Variants in SYN3 observed in about 807,000 individuals in gnomAD.
The protein encoded by SYN3 is synapsin-3.
SYN3 carries 35 observed loss-of-function variants against 65.8 expected under a neutral mutation model. That is an observed-to-expected ratio of 0.53 (90% CI 0.41 to 0.70). SYN3 has a LOEUF of 0.70. SYN3 is among the 30% of genes least tolerant of loss of function. SYN3 has a pLI of 0.00. For synonymous variants in SYN3, 270 were observed against 292.9 expected (o/e 0.92, Z 0.80); for missense variants, 680 against 749.0 (o/e 0.91, Z 1.08).
Position 32,690,636 on chromosome 22 carries a change from G to A in SYN3, c.712-93900C>T, listed in dbSNP as rs59554492. 4.2e-3 allele frequency among the ~76,000 whole-genome samples: 647 copies of A among 152,282 alleles called. 4 individuals carry two copies. Among genetic ancestry groups the A allele is most frequent in the African/African-American group, 0.014 (582 of 41,566 alleles). ...GCACTGTCCCCAGCATGTCAGGCAGGCGATATCAGGAGGTGGTAGTGGTGG... is the reference window on the plus strand; with the variant it reads ...GCACTGTCCCCAGCATGTCAGGCAGACGATATCAGGAGGTGGTAGTGGTGG... On this transcript the variant is annotated intron_variant, in intron 6 of 13. Transcript: ENST00000358763.
chr22:32,770,115 A>G (rs891049371), intron 6 of SYN3, among the ~76,000 whole-genome samples: 10 of 152,100 alleles, frequency 6.6e-5, no homozygotes, highest in Admixed American at 1.3e-4. Context: ...GAAACCTTGG[A>G]GTCACCCTTA....
intron 7 of SYN3, among the ~76,000 whole-genome samples, chr22:32,550,478 T>C (rs1039542303): frequency 2.0e-5 from 3 of 151,934 alleles, no homozygotes; most frequent in African/African-American, 7.2e-5. Flanking sequence ...TTGTTAGTAA[T>C]AATAATGGTA....
intron 4 of SYN3, among the ~76,000 whole-genome samples, chr22:32,912,335 G>T (rs541588914): frequency 3.3e-5 from 5 of 152,212 alleles, no homozygotes; most frequent in Non-Finnish European, 7.4e-5. Flanking sequence ...AACAGAATAC[G>T]TGGGGCCTGG....
At chr22:32,705,781 A>C (rs1282187088) in intron 6 of SYN3, among the ~76,000 whole-genome samples, 1 of 152,188 alleles carries the variant, frequency 6.6e-6, no homozygotes, top group Non-Finnish European at 1.5e-5. Context: ...CTCCCTGGTT[A>C]GCTGTATTCC....
At chr22:32,538,789 G>C (rs1309656476) in intron 8 of SYN3, among the ~76,000 whole-genome samples, 1 of 152,088 alleles carries the variant, frequency 6.6e-6, no homozygotes. Flanking sequence ...AAAATAGACT[G>C]CCCGGTACTA....
At chr22:32,947,886 G>A (rs73162010) in intron 3 of SYN3, among the ~76,000 whole-genome samples, 29,154 of 152,108 alleles carry the variant, frequency 0.19, 3,439 homozygotes, top group Non-Finnish European at 0.26. Flanking sequence ...CCAAATCAAG[G>A]TGTTGGCCAG....
chr22:32,744,740 G>C (rs539576022), intron 6 of SYN3, among the ~76,000 whole-genome samples: 2 of 152,134 alleles, frequency 1.3e-5, no homozygotes, highest in Admixed American at 1.3e-4. Context: ...CAGAAACCCC[G>C]CTGAGAACTA....
At chr22:32,926,770 C>T (rs898298292) in intron 4 of SYN3, among the ~76,000 whole-genome samples, 2 of 152,176 alleles carry the variant, frequency 1.3e-5, no homozygotes, top group Non-Finnish European at 2.9e-5. Context: ...TATACATACA[C>T]TGGTGACACA....
At chr22:32,554,915 T>C (rs2058471441) in intron 7 of SYN3, among the ~76,000 whole-genome samples, 1 of 152,222 alleles carries the variant, frequency 6.6e-6, no homozygotes, top group African/African-American at 2.4e-5. Context: ...ATCAACGAAA[T>C]GTGGATAACT....
At chr22:32,757,294 CTTTTTTTTT>C (rs148259174) in intron 6 of SYN3, among the ~76,000 whole-genome samples, 1 of 113,194 alleles carries the variant, frequency 8.8e-6, no homozygotes, top group Non-Finnish European at 1.8e-5. Flanking sequence ...CTCCTCCTAC[CTTTTTTTTT>C]TTTTTTTTTT....
intron 7 of SYN3, among the ~76,000 whole-genome samples, chr22:32,581,448 C>T (rs768609597): frequency 6.6e-6 from 1 of 152,160 alleles, no homozygotes; most frequent in Non-Finnish European, 1.5e-5. Context: ...AAACAAAGAT[C>T]GCACGTCAAG....
At chr22:32,779,086 G>A (rs1220044574) in intron 6 of SYN3, among the ~76,000 whole-genome samples, 1 of 152,210 alleles carries the variant, frequency 6.6e-6, no homozygotes, top group African/African-American at 2.4e-5. Flanking sequence ...AATGTAAAAT[G>A]TAATGTAAAT....
intron 6 of SYN3, among the ~76,000 whole-genome samples, chr22:32,727,312 A>T (rs766527113): frequency 1.2e-4 from 18 of 152,244 alleles, no homozygotes; most frequent in Non-Finnish European, 1.3e-4. Context: ...TGCAAAGGAC[A>T]TGATCTCATT....
intron 4 of SYN3, among the ~76,000 whole-genome samples, chr22:32,870,733 C>A (rs1165191121): frequency 6.6e-6 from 1 of 152,002 alleles, no homozygotes; most frequent in African/African-American, 2.4e-5. Flanking sequence ...CAAAAGACAC[C>A]CTGTATCCTG....
intron 4 of SYN3, among the ~76,000 whole-genome samples, chr22:32,909,682 C>A (rs894421259): frequency 7.3e-6 from 1 of 136,680 alleles, no homozygotes. Flanking sequence ...TGGCTGCTGG[C>A]CTGAATTTCC....
chr22:32,745,090 G>C (rs2044886940), intron 6 of SYN3, among the ~76,000 whole-genome samples: 1 of 152,224 alleles, frequency 6.6e-6, no homozygotes. Flanking sequence ...CTGGGAAAGG[G>C]AATCAGTGGT....
At chr22:32,871,549 C>T (rs561836970) in intron 4 of SYN3, among the ~76,000 whole-genome samples, 389 of 152,278 alleles carry the variant, frequency 2.6e-3, no homozygotes, top group Non-Finnish European at 4.3e-3. Context: ...AGTGCCTTAT[C>T]GTGGCTACAA....
chr22:32,991,536 A>G (rs2052718429), intron 2 of SYN3, among the ~76,000 whole-genome samples: 1 of 152,100 alleles, frequency 6.6e-6, no homozygotes, highest in Non-Finnish European at 1.5e-5. Flanking sequence ...CACAGTTCCC[A>G]GTGCTCCCTG....
chr22:32,903,456 T>C (rs962025420), intron 4 of SYN3, among the ~76,000 whole-genome samples: 5 of 152,160 alleles, frequency 3.3e-5, no homozygotes, highest in Non-Finnish European at 4.4e-5. Context: ...GACGATCAAG[T>C]TTTGACAACT....
Sources: gnomAD v4.1 joint callset for allele counts (sites outside exome capture counted in the v4.1 genomes callset) on GRCh38, gnomAD v4.1.1 for gene constraint, MANE v1.5 for transcripts, NCBI Gene and HGNC (gene_info 2026-07-23, HGNC 2026-07-21) for gene names.